Variants in ERMARD observed in about 807,000 individuals in gnomAD.
ERMARD encodes the protein endoplasmic reticulum membrane-associated RNA degradation protein.
ERMARD carries 71 observed loss-of-function variants against 83.9 expected under a neutral mutation model. That is an observed-to-expected ratio of 0.85 (90% CI 0.70 to 1.03). The LOEUF (loss-of-function observed/expected upper bound fraction) is 1.03. Among genes scored for constraint, ERMARD ranks in the 50% least tolerant of loss-of-function variants. The pLI, the probability that ERMARD is intolerant of heterozygous loss-of-function variation, is 0.00. For synonymous variants in ERMARD, 284 were observed against 298.6 expected, an observed-to-expected ratio of 0.95 and a Z score of 0.50; for missense variants, 838 against 810.9, an observed-to-expected ratio of 1.03 and a Z score of -0.41.
At chr6:169,751,470 CT>C (rs760454864), upstream of ERMARD, 9 of 1,612,922 alleles carry the variant, frequency 5.6e-6, no homozygotes, top group Non-Finnish European at 7.6e-6. Context: ...TCGCTCTGTT[CT>C]CCAAGACGCC....
At chr6:169,756,141 T>C (rs1790785285) in intron 3 of ERMARD, among the ~76,000 whole-genome samples, 197 bp from the exon 4 acceptor site, 1 of 152,228 alleles carries the variant, frequency 6.6e-6, no homozygotes. Context: ...TAAAGAACCT[T>C]CAAGGAATTC....
At chr6:169,772,282 T>TA (rs1793020761) in intron 12 of ERMARD, among the ~76,000 whole-genome samples, 1 of 152,226 alleles carries the variant, frequency 6.6e-6, no homozygotes, top group South Asian at 2.1e-4. Flanking sequence ...GTGGCACACA[T>TA]ATGCTGCGTG....
chr6:169,762,678 A>G (rs1301475507), intron 9 of ERMARD, 147 bp downstream of exon 9: 1 of 624,756 alleles, frequency 1.6e-6, no homozygotes, highest in Admixed American at 3.1e-5. Flanking sequence ...TATCATTTCT[A>G]TAGGATTTAT....
chr6:169,758,548 G>A (rs887909953), intron 5 of ERMARD, among the ~76,000 whole-genome samples: 1 of 152,234 alleles, frequency 6.6e-6, no homozygotes, highest in African/African-American at 2.4e-5. Context: ...TTAATACAGT[G>A]ATATGTTTCT....
chr6:169,779,149 C>A, intron 16 of ERMARD, 33 bp from the exon 17 acceptor site: 2 of 1,559,388 alleles, frequency 1.3e-6, no homozygotes, highest in African/African-American at 2.7e-5. Flanking sequence ...CCAACATATC[C>A]TCACATTTTA....
At chr6:169,769,354 T>TC (rs1792607015) in intron 11 of ERMARD, among the ~76,000 whole-genome samples, 186 bp from the exon 12 acceptor site, 1 of 152,168 alleles carries the variant, frequency 6.6e-6, no homozygotes, top group South Asian at 2.1e-4. Flanking sequence ...AGCTCTGCTT[T>TC]CCCCACAGCC....
intron 9 of ERMARD, among the ~76,000 whole-genome samples, chr6:169,763,850 C>T (rs1301015202): frequency 6.6e-6 from 1 of 152,282 alleles, no homozygotes; most frequent in East Asian, 1.9e-4. Context: ...AGCTTACGGC[C>T]CCGGAGCCGG....
At chr6:169,757,176 C>T (rs186041744) in intron 5 of ERMARD, among the ~76,000 whole-genome samples, 154 of 152,282 alleles carry the variant, frequency 1.0e-3, no homozygotes, top group Admixed American at 2.1e-3. Flanking sequence ...GGTGGGGACA[C>T]AGCCAAACCA....
chr6:169,775,392 C>A (rs142872101), intron 14 of ERMARD, 46 bp downstream of exon 14: 2 of 1,586,106 alleles, frequency 1.3e-6, no homozygotes, highest in Admixed American at 3.4e-5. Context: ...TTGTCTGGTA[C>A]TATTAGTTTC....
rs182910334 is a variant in ERMARD at position 169,759,761 on chromosome 6, T to C, written c.606-77T>C. The stretch of plus-strand genomic sequence containing the variant: ...TAACTTTGCTTTCTTAATTTTAAAT[T>C]TGTATTTTTCACAGTGAAGCTTTTT... On this transcript the variant is annotated intron_variant, in intron 6 of 17. Transcript: ENST00000366773. 4 of 1,360,906 alleles carry C rather than the reference T, an allele frequency of 2.9e-6. No homozygotes were observed. The African/African-American group carries it at 5.8e-5, about 20-fold the overall frequency. The allele number at this position is 1,360,906 out of a possible 1,614,324, so 84.3% of individuals were successfully genotyped here.
chr6:169,752,047 G>A (rs935556582), intron 1 of ERMARD: 2 of 267,718 alleles, frequency 7.5e-6, no homozygotes, highest in African/African-American at 4.5e-5. Flanking sequence ...TGCCTGTAGG[G>A]TCCACACTCG....
chr6:169,766,660 T>C lies in ERMARD; in HGVS notation c.983T>C (p.Phe328Ser). 1 of 1,577,564 alleles carries C rather than the reference T, an allele frequency of 6.3e-7. No individual in the cohort carries two copies. The highest frequency in any genetic ancestry group is 1.2e-5 in the South Asian group (1 of 83,728). Residue 328 changes from phenylalanine to serine, a missense_variant, in exon 10 of 18, where the codon TTT (phenylalanine) becomes TCT (serine). Transcript: ENST00000366773. ...AAGTCAACAGCTCTTTATACCACCT[T>C]TGATCAAGTAAGTAAGTAAACTTGT... ...TAESTALYTTFDQILAKHLND... is the reference protein window; with the variant it reads ...TAESTALYTTSDQILAKHLND...
At chr6:169,768,205 T>A (rs372117522) in intron 11 of ERMARD, 34 bp downstream of exon 11, 1 of 1,576,402 alleles carries the variant, frequency 6.3e-7, no homozygotes, top group African/African-American at 1.4e-5. Flanking sequence ...CTAATATTCT[T>A]GTATTTATGG....
upstream of ERMARD, chr6:169,751,307 C>A (rs1191334537): frequency 3.1e-6 from 5 of 1,602,578 alleles, no homozygotes; most frequent in African/African-American, 1.3e-5. Context: ...CGGACATAGC[C>A]GTCTCGGGCC....
intron 6 of ERMARD, 35 bp from the exon 7 acceptor site, chr6:169,759,803 A>T (rs1398139521): frequency 6.4e-7 from 1 of 1,569,826 alleles, no homozygotes; most frequent in Non-Finnish European, 8.7e-7. Flanking sequence ...ATGATTGAGT[A>T]CATTTTTGTA....
chr6:169,781,118 T>C (rs1378252681), intron 17 of ERMARD, among the ~76,000 whole-genome samples: 1 of 152,212 alleles, frequency 6.6e-6, no homozygotes, highest in Non-Finnish European at 1.5e-5. Flanking sequence ...CCTGTCCAAG[T>C]GTCCAGTAGC....
intron 16 of ERMARD, among the ~76,000 whole-genome samples, chr6:169,778,024 T>C (rs999719302): frequency 1.3e-5 from 2 of 152,152 alleles, no homozygotes; most frequent in African/African-American, 4.8e-5. Context: ...ACAGGACGCG[T>C]TTCCGTCGCA....
At chr6:169,778,992 C>A (rs1455020527) in intron 16 of ERMARD, among the ~76,000 whole-genome samples, 190 bp from the exon 17 acceptor site, 1 of 152,242 alleles carries the variant, frequency 6.6e-6, no homozygotes, top group Non-Finnish European at 1.5e-5. Flanking sequence ...GGAGCAAGGG[C>A]TATGCTGGGC....
intron 8 of ERMARD, among the ~76,000 whole-genome samples, chr6:169,761,930 G>T (rs967502898): frequency 6.6e-6 from 1 of 152,122 alleles, no homozygotes; most frequent in South Asian, 2.1e-4. Context: ...TGATCTGCCC[G>T]CCTCAGCCTC....
Sources: allele counts gnomAD v4.1 joint callset (sites outside exome capture counted in the v4.1 genomes callset), GRCh38; gene constraint gnomAD v4.1.1; transcripts MANE v1.5; gene names NCBI Gene and HGNC (gene_info 2026-07-23, HGNC 2026-07-21).